STOX1: variants seen among roughly 807,000 people sequenced by gnomAD.
STOX1 encodes the protein storkhead box 1.
Under a neutral mutation model 74.8 loss-of-function variants are expected in STOX1, and 57 were observed. The ratio of observed to expected loss-of-function variants is 0.76; its 90% CI spans 0.62 to 0.95. STOX1 has a LOEUF of 0.95. Among genes scored for constraint, STOX1 ranks in the 40% least tolerant of loss-of-function variants. The probability of loss-of-function intolerance (pLI) is 0.00; values close to 1 mark genes in which losing one functional copy is unlikely to be tolerated. For missense variants in STOX1, 1,010 were observed against 1,117.0 expected (o/e 0.90, Z 1.37); for synonymous variants, 375 against 401.3 (o/e 0.93, Z 0.78).
chr10:68,844,459 C>T (rs889837146), intron 1 of STOX1, among the ~76,000 whole-genome samples: 1 of 151,816 alleles, frequency 6.6e-6, no homozygotes, highest in Non-Finnish European at 1.5e-5. Flanking sequence ...CCACTACACC[C>T]AGCACATTTT....
chr10:68,844,390 C>T (rs1260278162), intron 1 of STOX1, among the ~76,000 whole-genome samples: 1 of 150,440 alleles, frequency 6.6e-6, no homozygotes, highest in Non-Finnish European at 1.5e-5. Flanking sequence ...CCTCTGTCTC[C>T]TGGGTTCAAG....
intron 1 of STOX1, among the ~76,000 whole-genome samples, chr10:68,845,959 G>A (rs990100456): frequency 2.0e-5 from 3 of 151,592 alleles, no homozygotes; most frequent in East Asian, 1.9e-4. Flanking sequence ...GGCTGGTCTC[G>A]AACTCCTGGG....
intron 1 of STOX1, among the ~76,000 whole-genome samples, chr10:68,874,277 C>T (rs911806107): frequency 6.6e-6 from 1 of 151,972 alleles, no homozygotes; most frequent in Non-Finnish European, 1.5e-5. Flanking sequence ...TTCACTGGCA[C>T]ATAAACCTCA....
chr10:68,847,300 A>G (rs1012445722), intron 1 of STOX1, among the ~76,000 whole-genome samples: 6 of 152,220 alleles, frequency 3.9e-5, no homozygotes, highest in Non-Finnish European at 8.8e-5. Context: ...TGACCCCAGT[A>G]TAAGTTTAAA....
At chr10:68,841,442 A>G (rs1839690714) in intron 1 of STOX1, among the ~76,000 whole-genome samples, 1 of 152,134 alleles carries the variant, frequency 6.6e-6, no homozygotes, top group Non-Finnish European at 1.5e-5. Flanking sequence ...CCTTCTATAG[A>G]TAGTTTATAA....
chr10:68,831,332 G>A (rs1839403893), intron 1 of STOX1, among the ~76,000 whole-genome samples: 1 of 152,002 alleles, frequency 6.6e-6, no homozygotes, highest in South Asian at 2.1e-4. Context: ...GATGACAGGT[G>A]CCCGCCACCA....
intron 1 of STOX1, among the ~76,000 whole-genome samples, chr10:68,852,922 ACTT>A (rs962577599): frequency 3.4e-5 from 5 of 148,622 alleles, no homozygotes; most frequent in Admixed American, 6.7e-5. Flanking sequence ...ACTGGGAAAC[ACTT>A]CTTTTTTTTT....
chr10:68,867,145 CTG>C (rs1353481412), intron 1 of STOX1, among the ~76,000 whole-genome samples: 1 of 151,990 alleles, frequency 6.6e-6, no homozygotes, highest in African/African-American at 2.4e-5. Flanking sequence ...CAGGGTTTCA[CTG>C]TGTTAGCCAG....
Position 68,828,243 on chromosome 10 carries a change from C to G in STOX1, c.310+310C>G, listed in dbSNP as rs1255446362. The G allele has an allele frequency of 2.8e-6, 3 of 1,088,116 alleles. No individual in the cohort carries two copies. In the African/African-American group the frequency reaches 5.0e-5, roughly 18 times the overall value. 67.4% of individuals were successfully genotyped at this position (1,088,116 alleles called of 1,614,324 possible). On this transcript the variant is annotated intron_variant, in intron 1 of 3. Coordinates refer to ENST00000298596, the MANE Select transcript of STOX1 (RefSeq NM_152709.5). ...TGGCGGCGCCGGGCCCTGCGGCCGC[C>G]GCGCGGCTTCCGCATCAGGGCGGTG...
intron 1 of STOX1, among the ~76,000 whole-genome samples, chr10:68,872,110 A>G (rs910237114): frequency 1.3e-5 from 2 of 152,100 alleles, no homozygotes; most frequent in African/African-American, 4.8e-5. Flanking sequence ...GTGATTCAAT[A>G]CAGGCGCCCA....
intron 2 of STOX1, among the ~76,000 whole-genome samples, chr10:68,882,477 A>C (rs1840833443): frequency 6.6e-6 from 1 of 151,048 alleles, no homozygotes; most frequent in Admixed American, 6.6e-5. Flanking sequence ...AATATAATAA[A>C]TTTTTCATAA....
At chr10:68,860,884 G>T (rs1462403402) in intron 1 of STOX1, among the ~76,000 whole-genome samples, 1 of 151,974 alleles carries the variant, frequency 6.6e-6, no homozygotes, top group African/African-American at 2.4e-5. Context: ...ACTGATGCCT[G>T]GTCAAATAGG....
chr10:68,888,264 C>A (rs1427801600), intron 3 of STOX1, among the ~76,000 whole-genome samples: 2 of 152,024 alleles, frequency 1.3e-5, no homozygotes, highest in African/African-American at 4.8e-5. Flanking sequence ...CCACGCCTGA[C>A]TAATTTTTTG....
intron 1 of STOX1, among the ~76,000 whole-genome samples, chr10:68,856,920 C>G (rs1840139225): frequency 6.6e-6 from 1 of 152,110 alleles, no homozygotes; most frequent in Non-Finnish European, 1.5e-5. Context: ...ACACATTTTC[C>G]AGTCCTTTCA....
chr10:68,892,745 T>C lies in STOX1; in HGVS notation c.*9T>C, dbSNP rs1841127994. The stretch of plus-strand genomic sequence containing the variant: ...CAGTCATAAACGTTTAATTTTCTTT[T>C]GGAAACCTACTTTTTTCTTTATAAA... On this transcript the variant is annotated 3_prime_UTR_variant, in exon 4 of 4. Transcript: ENST00000298596. The C allele has an allele frequency of 6.2e-7, 1 of 1,613,106 alleles. No homozygotes were observed. Among genetic ancestry groups the C allele is most frequent in the Non-Finnish European group, 8.5e-7 (1 of 1,179,462 alleles).
chr10:68,883,556 G>A lies in STOX1; in HGVS notation c.464-704G>A, dbSNP rs371205398. Among the ~76,000 whole-genome samples, 323 of 152,034 alleles carry A rather than the reference G, an allele frequency of 2.1e-3. 1 individual carries two copies. The highest frequency in any genetic ancestry group is 7.4e-3 in the African/African-American group (306 of 41,462). The stretch of plus-strand genomic sequence containing the variant: ...AGCCTCCAAAGCATCTGGTACTACA[G>A]ACACCCGCCACCATGCCCTGCTAAT... On this transcript the variant is annotated intron_variant, in intron 2 of 3. Coordinates refer to ENST00000298596, the MANE Select transcript of STOX1 (RefSeq NM_152709.5).
At chr10:68,880,347 TA>T (rs1193489196) in intron 1 of STOX1, among the ~76,000 whole-genome samples, 3 of 152,038 alleles carry the variant, frequency 2.0e-5, no homozygotes, top group Admixed American at 6.6e-5. Flanking sequence ...GGCTAATTTT[TA>T]AAATTTTTAT....
At chr10:68,833,485 G>T (rs1839463706) in intron 1 of STOX1, among the ~76,000 whole-genome samples, 1 of 152,108 alleles carries the variant, frequency 6.6e-6, no homozygotes, top group Non-Finnish European at 1.5e-5. Context: ...AGCAATTCCT[G>T]TCCCTTTTAA....
intron 1 of STOX1, among the ~76,000 whole-genome samples, chr10:68,873,622 T>G (rs1000696819): frequency 2.0e-5 from 3 of 149,450 alleles, no homozygotes; most frequent in African/African-American, 7.3e-5. Context: ...GCTAGTCCTT[T>G]TTTTTTCTTC....
Sources: allele counts gnomAD v4.1 joint callset (sites outside exome capture counted in the v4.1 genomes callset), GRCh38; gene constraint gnomAD v4.1.1; transcripts MANE v1.5; gene names NCBI Gene and HGNC (gene_info 2026-07-23, HGNC 2026-07-21).